The following EFCAB6 variants were observed in gnomAD, a reference collection of about 807,000 sequenced individuals.
The protein encoded by EFCAB6 is EF-hand calcium-binding domain-containing protein 6.
A neutral mutation model predicts 169.8 loss-of-function variants in EFCAB6; 156 were observed. That is an observed-to-expected ratio of 0.92 (90% CI 0.81 to 1.05). The LOEUF (loss-of-function observed/expected upper bound fraction) is 1.05, where lower values mean the gene tolerates loss of function less well. EFCAB6 is among the 50% of genes least tolerant of loss of function. EFCAB6 has a pLI of 0.00. For synonymous variants in EFCAB6, 698 were observed against 676.4 expected (o/e 1.03, Z -0.50); for missense variants, 1,800 against 1,829.1 (o/e 0.98, Z 0.29).
At chr22:43,567,266 A>G (rs1218090945) in intron 26 of EFCAB6, among the ~76,000 whole-genome samples, 1 of 152,180 alleles carries the variant, frequency 6.6e-6, no homozygotes, top group East Asian at 1.9e-4. Context: ...CTCCAGTAGC[A>G]TGGAATTGCC....
intron 5 of EFCAB6, among the ~76,000 whole-genome samples, chr22:43,764,590 A>C (rs569008978): frequency 1.3e-5 from 2 of 152,290 alleles, no homozygotes; most frequent in East Asian, 3.9e-4. Flanking sequence ...TGATAGTTCC[A>C]AGTTCTTTGA....
rs555014108 is a variant in EFCAB6 at position 43,628,796 on chromosome 22, C to T, written c.2233-2117G>A. Among the ~76,000 whole-genome samples the T allele has an allele frequency of 6.6e-6, 1 of 152,278 alleles. No individual in the cohort carries two copies. Among genetic ancestry groups the T allele is most frequent in the African/African-American group, 2.4e-5 (1 of 41,558 alleles). Reference sequence around the variant, plus strand: ...CTGACTGGCCTCCCACGATCCTCTACTTTTCTCTTTGGCACATGTCACCAC... The same window carrying T: ...CTGACTGGCCTCCCACGATCCTCTATTTTTCTCTTTGGCACATGTCACCAC... On this transcript the variant is annotated intron_variant, in intron 19 of 31. Transcript: ENST00000262726. This position sits in a 1 kb window ranked among gnomAD's most constrained non-coding sequence, Gnocchi z 4.8.
chr22:43,530,829 C>G lies in EFCAB6; in HGVS notation c.4369G>C (p.Ala1457Pro), dbSNP rs751667777. 1 of 1,613,838 alleles carries G rather than the reference C, an allele frequency of 6.2e-7. No individual in the cohort carries two copies. The highest frequency in any genetic ancestry group is 2.2e-5 in the East Asian group (1 of 44,890). The change falls in exon 31 of 32, where the codon GCA becomes CCA. Residue 1457 changes from alanine (A) to proline (P), a missense_variant. By Grantham distance (27) the Ala-to-Pro change is conservative. Coordinates refer to ENST00000262726, the MANE Select transcript of EFCAB6 (RefSeq NM_022785.4). ...DEAGTGLLSV[A>P]DFRTVLRQYS... ...GCTGTGCTCACCGTCCTGAAATCTG[C>G]GACGCTTAGCAGCCCTGTTCCAGCC...
rs2147776696 is a variant in EFCAB6, at chr22:43,744,640, G to A, written c.508-8647C>T. On this transcript the variant is annotated intron_variant, in intron 6 of 31. Coordinates refer to ENST00000262726, the MANE Select transcript of EFCAB6 (RefSeq NM_022785.4). This position sits in a 1 kb window ranked among gnomAD's most constrained non-coding sequence, Gnocchi z 4.3. ...GGAGTGGGAGCTGAGGGGGTCCAGA[G>A]GGGGCTAAGTCAGGGCTGATCTTCC... is the stretch of plus-strand genomic sequence containing the variant. Among the ~76,000 whole-genome samples the A allele has an allele frequency of 6.6e-6, 1 of 152,224 alleles. No homozygotes were observed. The highest frequency in any genetic ancestry group is 1.9e-4 in the East Asian group (1 of 5,158).
chr22:43,688,286 A>G (rs1183509490), intron 10 of EFCAB6, among the ~76,000 whole-genome samples: 1 of 152,218 alleles, frequency 6.6e-6, no homozygotes, highest in African/African-American at 2.4e-5. Context: ...ATTCTAGCCC[A>G]GTGGACCCAT....
intron 24 of EFCAB6, among the ~76,000 whole-genome samples, chr22:43,588,150 T>A (rs1008135599): frequency 6.6e-6 from 1 of 152,216 alleles, no homozygotes; most frequent in Non-Finnish European, 1.5e-5. Flanking sequence ...CAAGAAAACT[T>A]CAAGCCAGAG....
At chr22:43,637,617 C>T (rs1384755233) in intron 17 of EFCAB6, among the ~76,000 whole-genome samples, 2 of 152,138 alleles carry the variant, frequency 1.3e-5, no homozygotes, top group Non-Finnish European at 2.9e-5. Context: ...CCAAGGAGAC[C>T]GAGGCGGGTG....
Position 43,528,979 on chromosome 22 carries a change from G to A in EFCAB6, c.4384-4C>T, listed in dbSNP as rs1279532073. ...TGATGCTGTACTGTCTCAGGACCTG[G>A]AAGACAGAGAAAAGGGGCCTCTGAG... is the stretch of plus-strand genomic sequence containing the variant. On this transcript the variant is annotated splice_polypyrimidine_tract_variant and splice_region_variant and intron_variant, in intron 31 of 31. Coordinates refer to ENST00000262726, the MANE Select transcript of EFCAB6 (RefSeq NM_022785.4). 3.8e-6 allele frequency: 6 copies of A among 1,574,002 alleles called. No individual in the cohort carries two copies. In the Admixed American group the frequency reaches 5.1e-5, roughly 13 times the overall value.
intron 10 of EFCAB6, among the ~76,000 whole-genome samples, chr22:43,706,277 A>C (rs1482146291): frequency 6.6e-6 from 1 of 152,206 alleles, no homozygotes; most frequent in Non-Finnish European, 1.5e-5. Flanking sequence ...CTCCTCCCAC[A>C]GTTCTTCCTG....
At chr22:43,726,472 C>T (rs1603286241) in intron 8 of EFCAB6, among the ~76,000 whole-genome samples, 2 of 152,150 alleles carry the variant, frequency 1.3e-5, no homozygotes, top group East Asian at 3.8e-4. Flanking sequence ...AAAGCAGATA[C>T]AAACTGAAGC....
intron 22 of EFCAB6, among the ~76,000 whole-genome samples, chr22:43,602,744 G>A (rs2052611312): frequency 6.6e-6 from 1 of 151,662 alleles, no homozygotes; most frequent in Non-Finnish European, 1.5e-5. Flanking sequence ...CACCTCTTTT[G>A]GAAACCTCTC....
chr22:43,669,635 C>T (rs1223542477), intron 15 of EFCAB6, among the ~76,000 whole-genome samples: 1 of 151,958 alleles, frequency 6.6e-6, no homozygotes, highest in Non-Finnish European at 1.5e-5. Flanking sequence ...TATTTGATAT[C>T]TTGATTGATA....
At chr22:43,529,015 T>C (rs372397585) in intron 31 of EFCAB6, 40 bp from the exon 32 acceptor site, 21 of 1,528,680 alleles carry the variant, frequency 1.4e-5, no homozygotes, top group Non-Finnish European at 1.7e-5. Context: ...GCTTGTTTGG[T>C]GCCCTAGGTT....
chr22:43,531,674 A>AT lies in EFCAB6; in HGVS notation c.4234-711dup, dbSNP rs149499591. On this transcript the variant is annotated intron_variant, in intron 30 of 31. Transcript: ENST00000262726. Reference sequence around the variant, plus strand: ...ATGAGCACAGGGTTAAGCTGCTTTCATTTTTTTTTTACATCATTTGGCACG... The same window carrying AT: ...ATGAGCACAGGGTTAAGCTGCTTTCATTTTTTTTTTTACATCATTTGGCACG... Among the ~76,000 whole-genome samples, 343 of 150,210 alleles carry AT rather than the reference A, an allele frequency of 2.3e-3. 2 individuals carry two copies. The highest frequency in any genetic ancestry group is 7.5e-3 in the African/African-American group (308 of 40,994).
intron 6 of EFCAB6, among the ~76,000 whole-genome samples, chr22:43,755,555 AT>A (rs2060925915): frequency 6.6e-6 from 1 of 152,240 alleles, no homozygotes; most frequent in South Asian, 2.1e-4. Flanking sequence ...GGTGTCACTC[AT>A]CAAAAGAGAT....
At chr22:43,619,828 T>A (rs988789499) in intron 20 of EFCAB6, among the ~76,000 whole-genome samples, 6 of 152,070 alleles carry the variant, frequency 3.9e-5, no homozygotes, top group African/African-American at 1.4e-4. Context: ...AAAGCATTTT[T>A]AAAAATAATA....
chr22:43,671,887 T>C (rs2057507189), intron 15 of EFCAB6, 86 bp downstream of exon 15: 2 of 1,488,994 alleles, frequency 1.3e-6, no homozygotes, highest in Admixed American at 4.3e-5. Context: ...TATTAATATT[T>C]CAAAAACACA....
At chr22:43,585,866 A>G (rs2051032158) in intron 24 of EFCAB6, among the ~76,000 whole-genome samples, 1 of 152,184 alleles carries the variant, frequency 6.6e-6, no homozygotes, top group South Asian at 2.1e-4. Context: ...GTGGACTGAA[A>G]TATTTGCAGT....
intron 22 of EFCAB6, among the ~76,000 whole-genome samples, chr22:43,606,905 T>C (rs1184423220): frequency 6.6e-6 from 1 of 152,190 alleles, no homozygotes; most frequent in Non-Finnish European, 1.5e-5. Flanking sequence ...ATGGCAACCC[T>C]TGTGGGGGAC....
Sources: gnomAD v4.1 joint callset for allele counts (sites outside exome capture counted in the v4.1 genomes callset) on GRCh38, gnomAD v4.1.1 for gene constraint, Gnocchi (gnomAD v3.1) non-coding constraint, MANE v1.5 for transcripts, NCBI Gene and HGNC (gene_info 2026-07-23, HGNC 2026-07-21) for gene names.